MRTFB: variants seen among roughly 807,000 people sequenced by gnomAD.
MRTFB encodes the protein myocardin related transcription factor B.
In MRTFB, 29 loss-of-function variants were observed where a neutral mutation model predicts 104.2. The ratio of observed to expected loss-of-function variants is 0.28; its 90% CI spans 0.21 to 0.38. The LOEUF (loss-of-function observed/expected upper bound fraction) is 0.38, where lower values mean the gene tolerates loss of function less well. Among genes scored for constraint, MRTFB ranks in the 10% least tolerant of loss-of-function variants. The pLI is 1.00. For synonymous variants in MRTFB, 535 were observed against 519.5 expected, an observed-to-expected ratio of 1.03 and a Z score of -0.41; for missense variants, 1,270 against 1,341.6, an observed-to-expected ratio of 0.95 and a Z score of 0.83.
chr16:14,179,831 G>T (rs1180320009), intron 3 of MRTFB, among the ~76,000 whole-genome samples: 1 of 152,186 alleles, frequency 6.6e-6, no homozygotes, highest in African/African-American at 2.4e-5. Context: ...CATCCTACAG[G>T]CTTTTCCTTA....
the MRTFB span, among the ~76,000 whole-genome samples, chr16:14,062,114 AT>A: frequency 3.3e-5 from 5 of 151,216 alleles, no homozygotes; most frequent in African/African-American, 1.2e-4. Context: ...GTTTTTTGAG[AT>A]AGGGTCTTGC....
At chr16:14,024,110 A>G in the MRTFB span, among the ~76,000 whole-genome samples, 1 of 151,370 alleles carries the variant, frequency 6.6e-6, no homozygotes, top group Non-Finnish European at 1.5e-5. Flanking sequence ...ACCATCATCT[A>G]CCTTATTATC....
Position 14,264,790 on chromosome 16 carries a change from T to G in MRTFB, c.*3346T>G, listed in dbSNP as rs1208986177. 2 of 152,334 alleles carry G rather than the reference T, an allele frequency of 1.3e-5. No individual in the cohort carries two copies. Among genetic ancestry groups the G allele is most frequent in the East Asian group, 3.9e-4 (2 of 5,184 alleles). The allele number at this position is 152,334 out of a possible 1,614,324, so 9.4% of individuals were successfully genotyped here. On this transcript the variant is annotated 3_prime_UTR_variant, in exon 17 of 17. Coordinates refer to ENST00000571589, the MANE Select transcript of MRTFB (RefSeq NM_001308142.2). The stretch of plus-strand genomic sequence containing the variant: ...GAGATAGCACCTCTGAACTGTGCAG[T>G]CAGCATACCCTGAGTGATGGCTCAG...
chr16:14,025,175 T>A, the MRTFB span, among the ~76,000 whole-genome samples: 3 of 152,182 alleles, frequency 2.0e-5, no homozygotes, highest in African/African-American at 7.2e-5. Context: ...ATAAGAAGGA[T>A]GAAATAAATG....
chr16:14,094,890 C>T lies in MRTFB; in HGVS notation c.-64+15536C>T, dbSNP rs187193954. Among the ~76,000 whole-genome samples, 8 of 152,240 alleles carry T rather than the reference C, an allele frequency of 5.3e-5. No individual in the cohort carries two copies. The East Asian group carries it at 1.3e-3, about 26-fold the overall frequency. On this transcript the variant is annotated intron_variant, in intron 2 of 16. Coordinates refer to ENST00000571589, the MANE Select transcript of MRTFB (RefSeq NM_001308142.2). ...GAGAAACAAAGGATAAATTACCCAT[C>T]TATCTATCCTTTTTGTTACAGCTTT...
chr16:14,044,583 C>A, the MRTFB span, among the ~76,000 whole-genome samples: 1 of 152,192 alleles, frequency 6.6e-6, no homozygotes, highest in African/African-American at 2.4e-5. Context: ...GCACACGCTC[C>A]CTTCACAGCT....
rs1295337148 is a variant in MRTFB at position 14,252,153 on chromosome 16, G to A, written c.2565+130G>A. ...ATTGTTGAAAATACAGTGATAACTTGTGAAGGAGGAGCTCAGCTATTATCA... is the reference window on the plus strand; with the variant it reads ...ATTGTTGAAAATACAGTGATAACTTATGAAGGAGGAGCTCAGCTATTATCA... On this transcript the variant is annotated intron_variant, in intron 14 of 16. Transcript: ENST00000571589. 6.4e-6 allele frequency: 8 copies of A among 1,251,202 alleles called. 1 individual carries two copies. The Middle Eastern group carries it at 8.1e-4, about 127-fold the overall frequency. The allele number at this position is 1,251,202 out of a possible 1,614,324, so 77.5% of individuals were successfully genotyped here.
At chr16:14,062,199 C>A in the MRTFB span, among the ~76,000 whole-genome samples, 1 of 152,172 alleles carries the variant, frequency 6.6e-6, no homozygotes, top group Non-Finnish European at 1.5e-5. Context: ...CTCAAGCGAT[C>A]TTCCTGCCTC....
chr16:14,188,113 C>T (rs923442793), intron 3 of MRTFB, among the ~76,000 whole-genome samples: 5 of 152,162 alleles, frequency 3.3e-5, no homozygotes, highest in African/African-American at 9.6e-5. Flanking sequence ...ACTCCTAGGT[C>T]GAAATAAATG....
chr16:14,155,215 A>C (rs2038784170), intron 3 of MRTFB, among the ~76,000 whole-genome samples: 1 of 151,414 alleles, frequency 6.6e-6, no homozygotes, highest in Non-Finnish European at 1.5e-5. Context: ...TCTTTTTTTC[A>C]AGTATTCCCT....
chr16:14,150,040 A>G (rs1209447003), intron 3 of MRTFB, among the ~76,000 whole-genome samples: 1 of 152,162 alleles, frequency 6.6e-6, no homozygotes, highest in African/African-American at 2.4e-5. Context: ...CTCTCAGTAC[A>G]TGTTTTAATT....
chr16:14,170,648 T>C (rs1567410819), intron 3 of MRTFB, among the ~76,000 whole-genome samples: 2 of 152,194 alleles, frequency 1.3e-5, no homozygotes, highest in Admixed American at 1.3e-4. Flanking sequence ...ATTATACATA[T>C]ATATCAGAGT....
upstream of MRTFB, among the ~76,000 whole-genome samples, chr16:14,068,150 C>G (rs1443181106): frequency 1.3e-5 from 2 of 152,052 alleles, no homozygotes; most frequent in Non-Finnish European, 2.9e-5. Context: ...AATTTTATTT[C>G]TGTATATGAG....
the MRTFB span, among the ~76,000 whole-genome samples, chr16:14,003,248 G>A: frequency 6.6e-6 from 1 of 152,172 alleles, no homozygotes. Context: ...AAGTGTAGGC[G>A]TGTGACGAGT....
the MRTFB span, among the ~76,000 whole-genome samples, chr16:14,061,155 A>C: frequency 6.6e-6 from 1 of 151,972 alleles, no homozygotes; most frequent in African/African-American, 2.4e-5. Context: ...CAAAAAAAAA[A>C]CAAAAAAAAA....
At chr16:14,174,388 A>G (rs931161854) in intron 3 of MRTFB, among the ~76,000 whole-genome samples, 1 of 152,204 alleles carries the variant, frequency 6.6e-6, no homozygotes, top group Non-Finnish European at 1.5e-5. Context: ...TTAGCATTAA[A>G]AAATGTCGCC....
chr16:14,079,847 G>A (rs1414835666), intron 2 of MRTFB, among the ~76,000 whole-genome samples: 1 of 151,732 alleles, frequency 6.6e-6, no homozygotes. Flanking sequence ...AGAAATGACT[G>A]CTATTAATAT....
At chr16:14,013,860 A>T in the MRTFB span, among the ~76,000 whole-genome samples, 1 of 151,970 alleles carries the variant, frequency 6.6e-6, no homozygotes, top group Non-Finnish European at 1.5e-5. Flanking sequence ...TTGGAAACGC[A>T]GGTCTCACTC....
intron 9 of MRTFB, among the ~76,000 whole-genome samples, chr16:14,237,225 A>G (rs1179676239): frequency 6.6e-6 from 1 of 152,220 alleles, no homozygotes; most frequent in Non-Finnish European, 1.5e-5. Flanking sequence ...GGGTCTAAGT[A>G]CAGGTGAAAA....
Sources: gnomAD v4.1 joint callset for allele counts (sites outside exome capture counted in the v4.1 genomes callset) on GRCh38, gnomAD v4.1.1 for gene constraint, MANE v1.5 for transcripts, NCBI Gene and HGNC (gene_info 2026-07-23, HGNC 2026-07-21) for gene names.